Variants in SLC38A12 observed in about 807,000 individuals in gnomAD.
The protein encoded by SLC38A12 is solute carrier family 38 member 12.
chr17:74,788,865 C>T, the SLC38A12 span: 5 of 1,613,142 alleles, frequency 3.1e-6, no homozygotes, highest in East Asian at 2.2e-5. Context: ...GATGGAGAAC[C>T]TCAAGGTGTG....
At chr17:74,778,428 T>C in the SLC38A12 span, among the ~76,000 whole-genome samples, 1 of 152,148 alleles carries the variant, frequency 6.6e-6, no homozygotes, top group Non-Finnish European at 1.5e-5. Flanking sequence ...TGTACATAGC[T>C]TCCTAGCCTG....
At chr17:74,788,918 T>TACCCAGCAGGC in the SLC38A12 span, 4 of 1,562,762 alleles carry the variant, frequency 2.6e-6, no homozygotes, top group Admixed American at 3.5e-5. Context: ...TTCCGTCAGG[T>TACCCAGCAGGC]ACCCAGCAGG....
the SLC38A12 span, among the ~76,000 whole-genome samples, chr17:74,794,702 C>G: frequency 6.6e-6 from 1 of 152,062 alleles, no homozygotes; most frequent in Non-Finnish European, 1.5e-5. Flanking sequence ...CCTCCCACCC[C>G]AGCCATGCCA....
At chr17:74,818,533 G>A in the SLC38A12 span, among the ~76,000 whole-genome samples, 16 of 143,932 alleles carry the variant, frequency 1.1e-4, no homozygotes, top group Admixed American at 2.7e-4. Context: ...GGCGGGGGGC[G>A]GGACAGGCTC....
At chr17:74,812,923 T>C in the SLC38A12 span, among the ~76,000 whole-genome samples, 2 of 152,202 alleles carry the variant, frequency 1.3e-5, no homozygotes, top group Admixed American at 1.3e-4. Flanking sequence ...AGAAGGCTGC[T>C]GGTGCCTGAA....
chr17:74,821,245 C>G, the SLC38A12 span, among the ~76,000 whole-genome samples: 2 of 152,206 alleles, frequency 1.3e-5, no homozygotes, highest in African/African-American at 4.8e-5. Flanking sequence ...GTTGTGAGGC[C>G]CCCACAGGGG....
chr17:74,784,042 A>G, the SLC38A12 span, among the ~76,000 whole-genome samples: 1 of 151,918 alleles, frequency 6.6e-6, no homozygotes, highest in Admixed American at 6.6e-5. Flanking sequence ...ATGCTTTAAA[A>G]AAAAAAAAAC....
At chr17:74,793,798 G>C in the SLC38A12 span, among the ~76,000 whole-genome samples, 3 of 152,160 alleles carry the variant, frequency 2.0e-5, no homozygotes, top group African/African-American at 7.2e-5. Context: ...TGTCAGGGAA[G>C]GACATGCCAT....
chr17:74,787,146 G>A, the SLC38A12 span, among the ~76,000 whole-genome samples: 3 of 152,216 alleles, frequency 2.0e-5, no homozygotes, highest in African/African-American at 4.8e-5. Flanking sequence ...ATTGGAATGG[G>A]GGTTTCAGAG....
chr17:74,807,261 T>C, the SLC38A12 span, among the ~76,000 whole-genome samples: 1 of 152,180 alleles, frequency 6.6e-6, no homozygotes, highest in African/African-American at 2.4e-5. Context: ...TGCCATGGCA[T>C]TAATTGGGCT....
the SLC38A12 span, among the ~76,000 whole-genome samples, chr17:74,835,690 C>A: frequency 6.6e-6 from 1 of 152,218 alleles, no homozygotes; most frequent in Non-Finnish European, 1.5e-5. Flanking sequence ...GCCCTGTCCC[C>A]ACATACCCAG....
chr17:74,828,148 C>T, the SLC38A12 span, among the ~76,000 whole-genome samples: 1 of 152,222 alleles, frequency 6.6e-6, no homozygotes, highest in Non-Finnish European at 1.5e-5. Context: ...GGATGGCCTC[C>T]ACCTCACAGT....
the SLC38A12 span, among the ~76,000 whole-genome samples, chr17:74,784,114 T>A: frequency 6.6e-6 from 1 of 151,754 alleles, no homozygotes; most frequent in Admixed American, 6.6e-5. Flanking sequence ...AAATTCAGCA[T>A]GTGGCTATCT....
chr17:74,804,625 C>T, the SLC38A12 span, among the ~76,000 whole-genome samples: 1 of 152,330 alleles, frequency 6.6e-6, no homozygotes, highest in South Asian at 2.1e-4. Flanking sequence ...GGTGTGGCAG[C>T]AGATACCCCA....
chr17:74,834,447 G>A, the SLC38A12 span, among the ~76,000 whole-genome samples: 5 of 152,016 alleles, frequency 3.3e-5, no homozygotes, highest in East Asian at 1.9e-4. Context: ...TCCTGTCCCC[G>A]ACAGTGTCAG....
At chr17:74,830,136 C>A in the SLC38A12 span, among the ~76,000 whole-genome samples, 25 of 152,284 alleles carry the variant, frequency 1.6e-4, no homozygotes, top group African/African-American at 5.5e-4. Context: ...GGCCCCAACT[C>A]CAGACACCTA....
chr17:74,814,655 G>A, the SLC38A12 span, among the ~76,000 whole-genome samples: 1 of 152,172 alleles, frequency 6.6e-6, no homozygotes, highest in Non-Finnish European at 1.5e-5. Context: ...GCCCCCCGCA[G>A]GAGGCATGGA....
At chr17:74,828,825 G>A in the SLC38A12 span, among the ~76,000 whole-genome samples, 1 of 152,154 alleles carries the variant, frequency 6.6e-6, no homozygotes, top group Non-Finnish European at 1.5e-5. Flanking sequence ...CAGGGTTAGA[G>A]TGAGGAGTCC....
At chr17:74,818,973 A>C in the SLC38A12 span, among the ~76,000 whole-genome samples, 1 of 152,226 alleles carries the variant, frequency 6.6e-6, no homozygotes, top group Non-Finnish European at 1.5e-5. Flanking sequence ...TTTCTGAGAC[A>C]GAGTTTGACT....
Sources: allele counts gnomAD v4.1 joint callset (sites outside exome capture counted in the v4.1 genomes callset), GRCh38; gene constraint gnomAD v4.1.1; transcripts MANE v1.5; gene names NCBI Gene and HGNC (gene_info 2026-07-23, HGNC 2026-07-21).